The following NOP2 variants were observed in gnomAD, a reference collection of about 807,000 sequenced individuals.
NOP2 encodes 28S rRNA (cytosine(4447)-C(5))-methyltransferase.
A neutral mutation model predicts 72.7 loss-of-function variants in NOP2; 7 were observed. The ratio of observed to expected loss-of-function variants is 0.10; its 90% CI spans 0.05 to 0.18. The LOEUF (loss-of-function observed/expected upper bound fraction) is 0.18, where lower values mean the gene tolerates loss of function less well. Among genes scored for constraint, NOP2 ranks in the 10% least tolerant of loss-of-function variants. The pLI, the probability that NOP2 is intolerant of heterozygous loss-of-function variation, is 1.00. For synonymous variants in NOP2, 387 were observed against 388.0 expected (o/e 1.00, Z 0.03); for missense variants, 954 against 1,014.7 (o/e 0.94, Z 0.81).
chr12:6,566,133 A>T lies in NOP2; in HGVS notation c.442T>A (p.Ser148Thr), dbSNP rs1947773064. 1 of 1,613,904 alleles carries T rather than the reference A, an allele frequency of 6.2e-7. No homozygotes were observed. The change falls in exon 5 of 16, where the codon TCC becomes ACC. Residue 148 changes from serine to threonine, a missense_variant. Physicochemically the swap from Ser to Thr is moderately conservative, Grantham distance 58 (BLOSUM62 1). Transcript: ENST00000322166. ...CCTTCCTCCTCATCCTCAGAGTTGG[A>T]GTCAGCTCCATAGTCATCTACCGTA... is the stretch of plus-strand genomic sequence containing the variant. The part of the protein sequence containing the change: ...ADTVDDYGAD[S>T]NSEDEEEGEA...
intron 2 of NOP2, 89 bp downstream of exon 2, chr12:6,567,727 T>C: frequency 3.9e-6 from 4 of 1,028,300 alleles, no homozygotes; most frequent in Non-Finnish European, 2.9e-6. Flanking sequence ...CACTTAAATA[T>C]AAAATGAACA....
chr12:6,561,255 C>T (rs893087891), intron 11 of NOP2, among the ~76,000 whole-genome samples, 185 bp from the exon 12 acceptor site: 1 of 152,200 alleles, frequency 6.6e-6, no homozygotes, highest in Admixed American at 6.5e-5. Context: ...GCAAGTCTAC[C>T]GATGTGGTTT....
At position 6,557,359 on chromosome 12, in the gene NOP2, C is replaced by T. The variant is rs369192791; in HGVS notation, c.2073G>A (p.Glu691=). The T allele has an allele frequency of 1.2e-5, 19 of 1,613,934 alleles. No individual in the cohort carries two copies. The highest frequency in any genetic ancestry group is 3.3e-5 in the Admixed American group (2 of 60,006). The change falls in exon 16 of 16, where the codon GAG becomes GAA. Residue 691 remains glutamate (E), a synonymous_variant. Coordinates refer to ENST00000322166, the MANE Select transcript of NOP2 (RefSeq NM_001258308.2). The part of the protein sequence containing the change: ...QPAGKAEGIR[E]PKVTGKLKQR... ...GCTTTAGCTTCCCAGTCACCTTTGG[C>T]TCCCTGATCCCTTCGGCTTTTCCAG...
intron 15 of NOP2, chr12:6,558,030 A>G (rs1471313308): frequency 5.8e-6 from 2 of 345,456 alleles, no homozygotes; most frequent in East Asian, 2.0e-4. Flanking sequence ...AATCCTAGCT[A>G]CTTGGGAGTC....
intron 15 of NOP2, chr12:6,558,055 C>G (rs1322602224): frequency 2.9e-6 from 1 of 349,194 alleles, no homozygotes; most frequent in Non-Finnish European, 5.4e-6. Context: ...GCACAAGAAT[C>G]GCTTGAACCT....
Position 6,557,010 on chromosome 12 carries a change from G to T in NOP2, c.2422C>A (p.Gln808Lys), listed in dbSNP as rs1158501386. 1 of 1,614,030 alleles carries T rather than the reference G, an allele frequency of 6.2e-7. No individual in the cohort carries two copies. The part of the protein sequence containing the change: ...RKKSQSRGNS[Q>K]LLLS ...TCAACCATCTAAGATAGCAGCAGCT[G>T]GCTGTTGCCCCTGGACTGAGATTTC... Residue 808 changes from glutamine (Q) to lysine (K), a missense_variant, in exon 16 of 16, where the codon CAG becomes AAG. Gln to Lys is a moderately conservative substitution (Grantham distance 53, BLOSUM62 1). This residue lies in a region of NOP2 where 269 missense variants were observed against 260.2 expected (regional missense o/e 1.03). Transcript: ENST00000322166.
chr12:6,561,284 C>T (rs1947643040), intron 11 of NOP2, among the ~76,000 whole-genome samples: 1 of 152,224 alleles, frequency 6.6e-6, no homozygotes, highest in East Asian at 1.9e-4. Context: ...TTACCAAACA[C>T]CTATGTGGTC....
intron 15 of NOP2, chr12:6,558,272 G>GTT: frequency 8.4e-5 from 21 of 251,022 alleles, no homozygotes; most frequent in South Asian, 3.0e-4. Context: ...GGGTTTTGGG[G>GTT]TTTTTTTTTT....
At chr12:6,566,047 A>G in intron 5 of NOP2, 54 bp downstream of exon 5, 2 of 1,441,614 alleles carry the variant, frequency 1.4e-6, no homozygotes. Flanking sequence ...GAATCTGGGA[A>G]AGAAACTAAA....
intron 9 of NOP2, among the ~76,000 whole-genome samples, 187 bp from the exon 10 acceptor site, chr12:6,562,158 T>C (rs1264158348): frequency 6.6e-6 from 1 of 151,912 alleles, no homozygotes; most frequent in East Asian, 1.9e-4. Context: ...GCCTGGCTAA[T>C]TTTTGTATTT....
intron 11 of NOP2, 73 bp downstream of exon 11, chr12:6,561,591 C>G (rs1947651130): frequency 1.3e-6 from 2 of 1,573,984 alleles, no homozygotes; most frequent in East Asian, 2.3e-5. Context: ...AGTGAGTCAG[C>G]AACCCCAGCA....
rs1335984079 is a variant in NOP2 at position 6,557,027 on chromosome 12, T to C, written c.2405A>G (p.Gln802Arg). 1.9e-6 allele frequency: 3 copies of C among 1,613,356 alleles called. No homozygotes were observed. Among genetic ancestry groups the C allele is most frequent in the East Asian group, 2.2e-5 (1 of 44,882 alleles). The change falls in exon 16 of 16, where the codon CAG (glutamine) becomes CGG (arginine). Residue 802 changes from glutamine (Q) to arginine (R), a missense_variant. This residue lies in a region of NOP2 where 269 missense variants were observed against 260.2 expected (regional missense o/e 1.03). Transcript: ENST00000322166. ...RPPPAKRKKS[Q>R]SRGNSQLLLS ...CAGCAGCTGGCTGTTGCCCCTGGAC[T>C]GAGATTTCTTCCTCTTTGCTGGTGG... is the stretch of plus-strand genomic sequence containing the variant.
chr12:6,558,544 C>T (rs556083539), intron 15 of NOP2, among the ~76,000 whole-genome samples: 77 of 152,008 alleles, frequency 5.1e-4, no homozygotes, highest in African/African-American at 1.8e-3. Context: ...GGGTTACAGG[C>T]GCGAGCCACC....
chr12:6,561,797 G>T lies in NOP2; in HGVS notation c.1074C>A (p.Thr358=). The T allele has an allele frequency of 6.2e-7, 1 of 1,609,660 alleles. No individual in the cohort carries two copies. ...TGTAGTGCCCAGCCAGGTACTCGGG[G>T]GTAGCACCTGTGGAGAAGGACCACC... is the stretch of plus-strand genomic sequence containing the variant. ...VYDSSVPIGA[T]PEYLAGHYML... is the part of the protein sequence containing the mutation. Residue 358 remains threonine, a synonymous_variant, in exon 11 of 16, where the codon ACC becomes ACA. Coordinates refer to ENST00000322166, the MANE Select transcript of NOP2 (RefSeq NM_001258308.2).
rs1947522031 is a variant in NOP2 at position 6,557,517 on chromosome 12, G to A, written c.1915C>T (p.Gln639Ter). The change falls in exon 16 of 16, where the codon CAG becomes TAG. Residue 639 changes from glutamine (Q) to a stop codon, truncating the protein, a stop_gained. Transcript: ENST00000322166. LOFTEE classifies it low-confidence loss of function (END_TRUNC). ...AAKTKQQLQK[Q>*]QHPKKASFQK... ...AAGGAGGCCTTCTTGGGATGTTGCTGTTTCTGCAGCTGCTGCTTTGTCTTT... is the reference window on the plus strand; with the variant it reads ...AAGGAGGCCTTCTTGGGATGTTGCTATTTCTGCAGCTGCTGCTTTGTCTTT... 1 of 1,613,814 alleles carries A rather than the reference G, an allele frequency of 6.2e-7. No individual in the cohort carries two copies. Among genetic ancestry groups the A allele is most frequent in the African/African-American group, 1.3e-5 (1 of 74,866 alleles).
Position 6,563,679 on chromosome 12 carries a change from C to T in NOP2, c.623G>A (p.Gly208Glu), listed in dbSNP as rs1171970320. ...CTCATCCACATTGATCTGCAGGCCC[C>T]CATCTGCCTCTTCCACCTTTGGGGG... is the stretch of plus-strand genomic sequence containing the variant. Reference protein sequence around the residue: ...SGPPKVEEADGGLQINVDEEP... With the variant: ...SGPPKVEEADEGLQINVDEEP... The change falls in exon 7 of 16, where the codon GGG becomes GAG. Residue 208 changes from glycine to glutamate, a missense_variant. Physicochemically the swap from Gly to Glu is moderately conservative, Grantham distance 98 (BLOSUM62 -2). This residue lies in a region of NOP2 where 498 missense variants were observed against 478.3 expected (regional missense o/e 1.04). Coordinates refer to ENST00000322166, the MANE Select transcript of NOP2 (RefSeq NM_001258308.2). 8.1e-6 allele frequency: 13 copies of T among 1,613,678 alleles called. No homozygotes were observed. The highest frequency in any genetic ancestry group is 8.5e-6 in the Non-Finnish European group (10 of 1,179,798).
chr12:6,562,030 C>G (rs545942390), intron 9 of NOP2, 59 bp from the exon 10 acceptor site: 1 of 1,306,892 alleles, frequency 7.7e-7, no homozygotes, highest in African/African-American at 1.5e-5. Flanking sequence ...ACTCTGTTGC[C>G]CAGGCTAGAG....
chr12:6,560,440 G>A lies in NOP2; in HGVS notation c.1560+7C>T. 1 of 1,593,768 alleles carries A rather than the reference G, an allele frequency of 6.3e-7. No homozygotes were observed. The highest frequency in any genetic ancestry group is 8.6e-7 in the Non-Finnish European group (1 of 1,168,310). ...CCTCCCCTGCTCTGCCATGGCAGAG[G>A]TCTCACTGTGATAGAACAGGTGCAG... is the stretch of plus-strand genomic sequence containing the variant. On this transcript the variant is annotated splice_region_variant and intron_variant, in intron 14 of 15. Coordinates refer to ENST00000322166, the MANE Select transcript of NOP2 (RefSeq NM_001258308.2). This position sits in a 1 kb window ranked among gnomAD's most constrained non-coding sequence, Gnocchi z 5.0.
At chr12:6,564,898 G>C (rs951162962) in intron 5 of NOP2, among the ~76,000 whole-genome samples, 4 of 152,068 alleles carry the variant, frequency 2.6e-5, no homozygotes, top group Non-Finnish European at 5.9e-5. Context: ...TAAGCATATT[G>C]TGTATTTTGG....
Sources: allele counts gnomAD v4.1 joint callset (sites outside exome capture counted in the v4.1 genomes callset), GRCh38; gene constraint gnomAD v4.1.1; regional missense constraint gnomAD v4.1.1; non-coding constraint Gnocchi (gnomAD v3.1); transcripts MANE v1.5; gene names NCBI Gene and HGNC (gene_info 2026-07-23, HGNC 2026-07-21).